The following TSG101 variants were observed in gnomAD, a reference collection of about 807,000 sequenced individuals.
TSG101 encodes tumor susceptibility 101, also known as tumor susceptibility gene 101 protein.
In TSG101, 19 loss-of-function variants were observed where a neutral mutation model predicts 48.5. The observed-to-expected ratio is 0.39, with a 90% CI of 0.27 to 0.58. The LOEUF is 0.58. TSG101 is among the 20% of genes least tolerant of loss of function. TSG101 has a pLI of 0.55. For missense variants in TSG101, 365 were observed against 484.4 expected (o/e 0.75, Z 2.31); for synonymous variants, 174 against 169.4 (o/e 1.03, Z -0.21).
chr11:18,515,317 C>T (rs571720733), intron 3 of TSG101, among the ~76,000 whole-genome samples: 2 of 152,304 alleles, frequency 1.3e-5, no homozygotes, highest in African/African-American at 4.8e-5. Flanking sequence ...GTAGCCACAG[C>T]TCCTATCCTT....
intron 4 of TSG101, among the ~76,000 whole-genome samples, chr11:18,510,357 G>A (rs1263392785): frequency 6.6e-6 from 1 of 152,104 alleles, no homozygotes; most frequent in Non-Finnish European, 1.5e-5. Flanking sequence ...AGAGGCAGAG[G>A]TTGCAGTGAG....
intron 2 of TSG101, 88 bp downstream of exon 2, chr11:18,519,431 A>G (rs1460927502): frequency 8.6e-7 from 1 of 1,158,002 alleles, no homozygotes; most frequent in African/African-American, 1.6e-5. Flanking sequence ...TGAAAAATCC[A>G]CAAACCTCAA....
At chr11:18,514,229 G>A (rs540538492) in intron 4 of TSG101, among the ~76,000 whole-genome samples, 2 of 152,096 alleles carry the variant, frequency 1.3e-5, no homozygotes, top group Non-Finnish European at 2.9e-5. Context: ...CTTCCAACAG[G>A]TGTTGTTTGT....
intron 1 of TSG101, among the ~76,000 whole-genome samples, chr11:18,522,803 G>A (rs1455471631): frequency 6.6e-6 from 1 of 152,158 alleles, no homozygotes; most frequent in Non-Finnish European, 1.5e-5. Flanking sequence ...CTCCTTTGTT[G>A]TTCCTCTATC....
Position 18,524,844 on chromosome 11 carries a change from T to G in TSG101, c.42+1931A>C, listed in dbSNP as rs570942854. ...AAGCTTAGGAAACTTAATTAGGGTA[T>G]AAAAAATAAGCTAATATTTGAATAT... On this transcript the variant is annotated intron_variant, in intron 1 of 9. Coordinates refer to ENST00000251968, the MANE Select transcript of TSG101 (RefSeq NM_006292.4). Among the ~76,000 whole-genome samples, 3 of 152,024 alleles carry G rather than the reference T, an allele frequency of 2.0e-5. No individual in the cohort carries two copies. The South Asian group carries it at 6.2e-4, about 32-fold the overall frequency.
At chr11:18,522,585 T>C (rs1190318171) in intron 1 of TSG101, among the ~76,000 whole-genome samples, 1 of 152,236 alleles carries the variant, frequency 6.6e-6, no homozygotes, top group African/African-American at 2.4e-5. Flanking sequence ...CCTCCATCGT[T>C]AACCCCCTAC....
intron 4 of TSG101, among the ~76,000 whole-genome samples, chr11:18,512,333 A>C (rs1469905965): frequency 6.6e-6 from 1 of 152,158 alleles, no homozygotes. Context: ...TACTGAGTCC[A>C]GTCTGCTACT....
At chr11:18,502,388 G>C (rs1394869270) in intron 7 of TSG101, 98 bp downstream of exon 7, 1 of 907,606 alleles carries the variant, frequency 1.1e-6, no homozygotes, top group Non-Finnish European at 1.7e-6. Context: ...CCTCTAAGAA[G>C]AAAGAGTAGT....
At chr11:18,500,851 T>C (rs1220128316) in intron 7 of TSG101, among the ~76,000 whole-genome samples, 2 of 150,724 alleles carry the variant, frequency 1.3e-5, no homozygotes, top group African/African-American at 4.9e-5. Flanking sequence ...TTGCCCAGGG[T>C]GGAGTGCAGT....
At chr11:18,520,774 T>C (rs1412405655) in intron 1 of TSG101, among the ~76,000 whole-genome samples, 6 of 152,186 alleles carry the variant, frequency 3.9e-5, no homozygotes, top group Non-Finnish European at 1.5e-5. Flanking sequence ...GGCTTACACT[T>C]GTAATCCTAG....
chr11:18,509,018 ACT>A (rs2133924006), intron 5 of TSG101, among the ~76,000 whole-genome samples: 1 of 152,256 alleles, frequency 6.6e-6, no homozygotes, highest in East Asian at 1.9e-4. Flanking sequence ...GAGAAGCAAC[ACT>A]CTCTCCATGC....
intron 7 of TSG101, among the ~76,000 whole-genome samples, chr11:18,494,811 G>C (rs1176391277): frequency 6.6e-6 from 1 of 152,076 alleles, no homozygotes; most frequent in Non-Finnish European, 1.5e-5. Context: ...AGTTTCTGTA[G>C]GCCAAACACT....
At chr11:18,507,230 A>T (rs529458107) in intron 5 of TSG101, among the ~76,000 whole-genome samples, 17 of 152,356 alleles carry the variant, frequency 1.1e-4, no homozygotes, top group Non-Finnish European at 2.4e-4. Flanking sequence ...AGAGGAAGGT[A>T]ATTCTGGCCT....
chr11:18,487,188 A>G (rs1849631268), intron 7 of TSG101, among the ~76,000 whole-genome samples: 2 of 151,924 alleles, frequency 1.3e-5, no homozygotes, highest in South Asian at 4.2e-4. Flanking sequence ...GGTGCAGCAC[A>G]ACAACATGGC....
intron 7 of TSG101, among the ~76,000 whole-genome samples, chr11:18,488,638 GTTC>G (rs1849655158): frequency 1.3e-5 from 2 of 152,046 alleles, no homozygotes; most frequent in East Asian, 3.9e-4. Flanking sequence ...GGTGCTAGAA[GTTC>G]TTCTCAAGTC....
rs376447756 is a variant in TSG101 at position 18,519,645 on chromosome 11, G to A, written c.43-42C>T. The A allele has an allele frequency of 6.4e-6, 9 of 1,412,760 alleles. No individual in the cohort carries two copies. In the African/African-American group the frequency reaches 7.2e-5, roughly 11 times the overall value. The allele number at this position is 1,412,760 out of a possible 1,614,324, so 87.5% of individuals were successfully genotyped here. ...CATAAGAATTTAGTTTAAAACCAAT[G>A]CATATATTTTACAGCTGGATGAATT... On this transcript the variant is annotated intron_variant, in intron 1 of 9. Coordinates refer to ENST00000251968, the MANE Select transcript of TSG101 (RefSeq NM_006292.4).
chr11:18,518,563 T>C (rs945830954), intron 2 of TSG101, among the ~76,000 whole-genome samples: 1 of 152,126 alleles, frequency 6.6e-6, no homozygotes, highest in Non-Finnish European at 1.5e-5. Context: ...TTTGTCTCAA[T>C]AGAAAGTAGA....
chr11:18,493,601 G>T (rs1849728821), intron 7 of TSG101, among the ~76,000 whole-genome samples: 1 of 152,174 alleles, frequency 6.6e-6, no homozygotes, highest in South Asian at 2.1e-4. Flanking sequence ...ATGGTCCTAG[G>T]TCTGGCATCT....
intron 1 of TSG101, among the ~76,000 whole-genome samples, chr11:18,523,317 C>T (rs529942010): frequency 7.3e-4 from 111 of 152,094 alleles, no homozygotes; most frequent in Non-Finnish European, 1.3e-3. Context: ...CATTTCTTCC[C>T]TGCTTTATTT....
Sources: allele counts gnomAD v4.1 joint callset (sites outside exome capture counted in the v4.1 genomes callset), GRCh38; gene constraint gnomAD v4.1.1; transcripts MANE v1.5; gene names NCBI Gene and HGNC (gene_info 2026-07-23, HGNC 2026-07-21).